The following TSHR variants were observed in gnomAD, a reference collection of about 807,000 sequenced individuals.
The protein encoded by TSHR is thyrotropin receptor.
TSHR carries 51 observed loss-of-function variants against 64.1 expected under a neutral mutation model. The observed-to-expected ratio is 0.80, with a 90% confidence interval of 0.64 to 1.01. TSHR has a LOEUF of 1.01. TSHR is among the 50% of genes least tolerant of loss of function. The pLI, the probability that TSHR is intolerant of heterozygous loss-of-function variation, is 0.00. For missense variants in TSHR, 877 were observed against 942.8 expected (o/e 0.93, Z 0.91); for synonymous variants, 361 against 361.9 (o/e 1.00, Z 0.03).
chr14:81,102,862 T>TA (rs1257538095), intron 7 of TSHR: 1 of 985,192 alleles, frequency 1.0e-6, no homozygotes, highest in Non-Finnish European at 1.2e-6. Context: ...GGGATCAAGA[T>TA]AAAAAGTATC....
At chr14:81,124,468 T>A (rs1478563029) in intron 8 of TSHR, among the ~76,000 whole-genome samples, 2 of 152,176 alleles carry the variant, frequency 1.3e-5, no homozygotes, top group Admixed American at 6.5e-5. Context: ...CTTGGAACAT[T>A]TTCATTATCC....
chr14:80,957,236 A>C (rs755741321), intron 1 of TSHR, among the ~76,000 whole-genome samples: 6 of 152,166 alleles, frequency 3.9e-5, no homozygotes, highest in Non-Finnish European at 5.9e-5. Context: ...TCAACCCTGC[A>C]GGAAGCTTCT....
At chr14:81,010,210 T>G (rs1188857815) in intron 1 of TSHR, among the ~76,000 whole-genome samples, 2 of 152,152 alleles carry the variant, frequency 1.3e-5, no homozygotes, top group African/African-American at 2.4e-5. Flanking sequence ...TTATATATCT[T>G]GGGTATTAAT....
At chr14:80,991,578 G>A (rs1479612937) in intron 1 of TSHR, 1 of 398,566 alleles carries the variant, frequency 2.5e-6, no homozygotes, top group Non-Finnish European at 4.4e-6. Context: ...CTGGGAATTG[G>A]AGATAAAATT....
At chr14:81,040,137 A>G (rs1209983993) in intron 1 of TSHR, among the ~76,000 whole-genome samples, 3 of 152,074 alleles carry the variant, frequency 2.0e-5, no homozygotes, top group African/African-American at 7.2e-5. Flanking sequence ...AATGGAACAG[A>G]AGAGAGATCA....
rs33975260 is a variant in TSHR at position 80,975,915 on chromosome 14, AT to A, written c.170+20079del. On this transcript the variant is annotated intron_variant, in intron 1 of 9. Coordinates refer to ENST00000298171, the MANE Select transcript of TSHR (RefSeq NM_000369.5). ...CTCCTTGCAGCTTAACAGCAAATGC[AT>A]TTTTTTTTTTTTTGAGATGGAGTCT... is the stretch of plus-strand genomic sequence containing the variant. Among the ~76,000 whole-genome samples the A allele has an allele frequency of 8.1e-4, 116 of 142,790 alleles. 1 individual carries two copies. The highest frequency in any genetic ancestry group is 4.8e-3 in the East Asian group (23 of 4,832). The allele number at this position is 142,790 out of a possible 152,430, so 93.7% of individuals were successfully genotyped here.
At chr14:81,023,314 C>T (rs1370817101) in intron 1 of TSHR, among the ~76,000 whole-genome samples, 2 of 152,010 alleles carry the variant, frequency 1.3e-5, no homozygotes, top group Non-Finnish European at 2.9e-5. Flanking sequence ...GGGAAAGACC[C>T]ACCCCCATGA....
intron 3 of TSHR, among the ~76,000 whole-genome samples, chr14:81,079,394 T>A (rs2139941853): frequency 6.6e-6 from 1 of 152,302 alleles, no homozygotes; most frequent in African/African-American, 2.4e-5. Context: ...CAAGCGTTAG[T>A]TTCTGCTATG....
At chr14:80,977,741 T>C (rs2284721) in intron 1 of TSHR, among the ~76,000 whole-genome samples, 25,782 of 152,236 alleles carry the variant, frequency 0.17, 2,496 homozygotes, top group East Asian at 0.44. Context: ...TCAGGCCCTA[T>C]TCCAAGTTGC....
chr14:80,988,293 AT>A (rs3831815), intron 1 of TSHR, among the ~76,000 whole-genome samples: 20,260 of 152,170 alleles, frequency 0.13, 1,751 homozygotes, highest in East Asian at 0.43. Flanking sequence ...AGGAAGCATG[AT>A]GCTGGCATCT....
chr14:81,143,235 A>G lies in TSHR; in HGVS notation c.1177A>G (p.Ser393Gly), dbSNP rs747039454. The change falls in exon 10 of 10, where the codon AGT becomes GGT. Residue 393 changes from serine (S) to glycine (G), a missense_variant. Physicochemically the swap from Ser to Gly is moderately conservative, Grantham distance 56. Coordinates refer to ENST00000298171, the MANE Select transcript of TSHR (RefSeq NM_000369.5). ...SHYDYTICGDSEDMVCTPKSD... is the reference protein window; with the variant it reads ...SHYDYTICGDGEDMVCTPKSD... ...TTATGACTACACCATATGTGGGGAC[A>G]GTGAAGACATGGTGTGTACCCCCAA... is the stretch of plus-strand genomic sequence containing the variant. 6.2e-7 allele frequency: 1 copy of G among 1,614,228 alleles called. No homozygotes were observed. Among genetic ancestry groups the G allele is most frequent in the East Asian group, 2.2e-5 (1 of 44,878 alleles).
At chr14:81,031,777 C>T (rs1884361465) in intron 1 of TSHR, among the ~76,000 whole-genome samples, 1 of 152,188 alleles carries the variant, frequency 6.6e-6, no homozygotes, top group Admixed American at 6.5e-5. Flanking sequence ...CACAGAGGCA[C>T]TTACAGGCAT....
At chr14:81,114,267 C>CCAGGTTCA (rs1257402460) in intron 8 of TSHR, among the ~76,000 whole-genome samples, 4 of 152,120 alleles carry the variant, frequency 2.6e-5, no homozygotes, top group Non-Finnish European at 5.9e-5. Context: ...ATCTGAGGTA[C>CCAGGTTCA]CAGGTTCATC....
chr14:81,025,620 G>C (rs1483040542), intron 1 of TSHR, among the ~76,000 whole-genome samples: 3 of 152,102 alleles, frequency 2.0e-5, no homozygotes, highest in Admixed American at 2.0e-4. Context: ...AGAAACTTTG[G>C]TTCTAGGATT....
chr14:80,977,247 G>A (rs1279253360), intron 1 of TSHR, among the ~76,000 whole-genome samples: 2 of 152,202 alleles, frequency 1.3e-5, no homozygotes, highest in Non-Finnish European at 2.9e-5. Context: ...CAGTTATCTA[G>A]AATAAATGTT....
In TSHR at chr14:81,037,448, A is replaced by AAAAAAAAAAAAAAAAAAAAAAAAAAC. The variant is rs1273226258; in HGVS notation, c.171-24698_171-24697insAAAAAAAAAAAAAAAAAAAAAAACAA. On this transcript the variant is annotated intron_variant, in intron 1 of 9. Coordinates refer to ENST00000298171, the MANE Select transcript of TSHR (RefSeq NM_000369.5). ...ACAAACAAACAAACAAACAAACAAA[A>AAAAAAAAAAAAAAAAAAAAAAAAAAC]AACAGAAAATGATCTAACAAAATGT... Among the ~76,000 whole-genome samples the AAAAAAAAAAAAAAAAAAAAAAAAAAC allele has an allele frequency of 4.7e-5, 6 of 128,440 alleles. 1 individual carries two copies. The highest frequency in any genetic ancestry group is 9.2e-5 in the Non-Finnish European group (5 of 54,396). The allele number at this position is 128,440 out of a possible 152,430, so 84.3% of individuals were successfully genotyped here.
At chr14:80,977,918 A>G (rs1414884439) in intron 1 of TSHR, among the ~76,000 whole-genome samples, 1 of 151,966 alleles carries the variant, frequency 6.6e-6, no homozygotes, top group Non-Finnish European at 1.5e-5. Flanking sequence ...ATCCCCTTGC[A>G]CCAGATATAG....
At chr14:81,134,554 A>C (rs2140093589) in intron 8 of TSHR, among the ~76,000 whole-genome samples, 1 of 152,350 alleles carries the variant, frequency 6.6e-6, no homozygotes, top group South Asian at 2.1e-4. Context: ...CTAGGTACCA[A>C]AAATACGGCA....
At chr14:81,061,501 G>A (rs981728778) in intron 1 of TSHR, among the ~76,000 whole-genome samples, 1 of 152,060 alleles carries the variant, frequency 6.6e-6, no homozygotes, top group African/African-American at 2.4e-5. Flanking sequence ...CAGGGACTTG[G>A]ATGGAGCTGG....
Sources: gnomAD v4.1 joint callset for allele counts (sites outside exome capture counted in the v4.1 genomes callset) on GRCh38, gnomAD v4.1.1 for gene constraint, MANE v1.5 for transcripts, NCBI Gene and HGNC (gene_info 2026-07-23, HGNC 2026-07-21) for gene names.